SPRY3: variants seen among roughly 807,000 people sequenced by gnomAD.
The protein encoded by SPRY3 is sprouty RTK signaling antagonist 3.
In SPRY3, 15 loss-of-function variants were observed where a neutral mutation model predicts 20.2. The observed-to-expected ratio is 0.74, with a 90% confidence interval of 0.50 to 1.14. The LOEUF (loss-of-function observed/expected upper bound fraction) is 1.14, where lower values mean the gene tolerates loss of function less well. Ranked by LOEUF, SPRY3 falls within the 50% of genes most tolerant of loss-of-function variation. The pLI, the probability that SPRY3 is intolerant of heterozygous loss-of-function variation, is 0.00. For synonymous variants in SPRY3, 143 were observed against 136.5 expected (o/e 1.05, Z -0.33); for missense variants, 364 against 363.9 (o/e 1.00, Z 0.00).
intron 2 of SPRY3, among the ~76,000 whole-genome samples, chrX:155,732,360 T>C (rs1475073957): frequency 2.0e-5 from 3 of 151,976 alleles, no homozygotes; most frequent in Non-Finnish European, 4.4e-5. Context: ...CCTGAACAGA[T>C]GTTTCTGAAA....
At chrX:155,707,312 T>C (rs1445739266) in intron 2 of SPRY3, among the ~76,000 whole-genome samples, 2 of 151,264 alleles carry the variant, frequency 1.3e-5, no homozygotes, top group African/African-American at 4.8e-5. Flanking sequence ...CTTTCTGTTG[T>C]TTATTTCTAA....
At chrX:155,725,911 A>G (rs80316891) in intron 2 of SPRY3, among the ~76,000 whole-genome samples, 1 of 152,148 alleles carries the variant, frequency 6.6e-6, no homozygotes, top group Non-Finnish European at 1.5e-5. Context: ...TTGTGATGTT[A>G]GGATGTCAAT....
At chrX:155,673,537 A>G (rs1303611739) in intron 2 of SPRY3, among the ~76,000 whole-genome samples, 2 of 111,767 alleles carry the variant, frequency 1.8e-5, no homozygotes, top group East Asian at 5.7e-4. Flanking sequence ...GGAATCAGCC[A>G]AGGTTTCTTT....
chrX:155,738,513 T>C (rs2091183605), intron 2 of SPRY3, among the ~76,000 whole-genome samples: 1 of 152,068 alleles, frequency 6.6e-6, no homozygotes, highest in South Asian at 2.1e-4. Flanking sequence ...CACCTTCAAC[T>C]GAGGGATCCA....
chrX:155,756,688 G>A (rs1340306821), intron 2 of SPRY3, among the ~76,000 whole-genome samples: 1 of 152,028 alleles, frequency 6.6e-6, no homozygotes, highest in Non-Finnish European at 1.5e-5. Context: ...TGAGGAGAAA[G>A]TTTTCCTTTT....
At chrX:155,724,600 CTGTT>C (rs1295562617) in intron 2 of SPRY3, among the ~76,000 whole-genome samples, 3 of 152,224 alleles carry the variant, frequency 2.0e-5, no homozygotes, top group Admixed American at 6.5e-5. Flanking sequence ...ATTTGGCTCT[CTGTT>C]TGTCTGTTAT....
chrX:155,761,275 T>C (rs1047493197), intron 2 of SPRY3, among the ~76,000 whole-genome samples: 1 of 152,216 alleles, frequency 6.6e-6, no homozygotes, highest in African/African-American at 2.4e-5. Flanking sequence ...TCTGTGACAA[T>C]GTGTATCCTG....
chrX:155,719,543 T>A (rs1401985119), intron 2 of SPRY3, among the ~76,000 whole-genome samples: 1 of 151,746 alleles, frequency 6.6e-6, no homozygotes, highest in Non-Finnish European at 1.5e-5. Flanking sequence ...GGCTGCACAG[T>A]TGACAGCTCC....
In SPRY3 at chrX:155,722,651, A is replaced by AT. The variant is rs1455689489; in HGVS notation, c.-281-45310dup. Among the ~76,000 whole-genome samples the AT allele has an allele frequency of 2.6e-5, 4 of 152,304 alleles. No homozygotes were observed. The South Asian group carries it at 8.3e-4, about 32-fold the overall frequency. ...AAACAACCAGAAAACAAATAACAAA[A>AT]TGACAGGAGTAAGTCCTTACTTATC... is the stretch of plus-strand genomic sequence containing the variant. On this transcript the variant is annotated intron_variant, in intron 2 of 3. Transcript: ENST00000675360.
At chrX:155,760,730 C>T (rs1402681754) in intron 2 of SPRY3, among the ~76,000 whole-genome samples, 1 of 152,072 alleles carries the variant, frequency 6.6e-6, no homozygotes, top group African/African-American at 2.4e-5. Flanking sequence ...GTGCAGCTCA[C>T]AATAGGGTTC....
chrX:155,638,001 A>G (rs2067929005), intron 1 of SPRY3, among the ~76,000 whole-genome samples: 1 of 102,847 alleles, frequency 9.7e-6, no homozygotes, highest in African/African-American at 3.6e-5. Context: ...TAATTTAGCC[A>G]TTTTCATGGG....
intron 2 of SPRY3, among the ~76,000 whole-genome samples, chrX:155,679,051 G>T (rs754619810): frequency 2.7e-5 from 3 of 110,869 alleles, no homozygotes; most frequent in South Asian, 3.9e-4. Flanking sequence ...CTGTAGGGGC[G>T]TGGGGGGCTG....
intron 2 of SPRY3, among the ~76,000 whole-genome samples, chrX:155,743,902 A>G (rs1443869119): frequency 6.6e-6 from 1 of 152,158 alleles, no homozygotes; most frequent in African/African-American, 2.4e-5. Flanking sequence ...GGACAATTTT[A>G]AATAATTCCA....
intron 2 of SPRY3, among the ~76,000 whole-genome samples, chrX:155,737,010 G>T (rs1234572176): frequency 6.6e-6 from 1 of 151,850 alleles, no homozygotes; most frequent in Non-Finnish European, 1.5e-5. Flanking sequence ...ATGTAATAGT[G>T]TTTTTTTGTT....
chrX:155,774,407 A>T, exon 4 of SPRY3: 1 of 1,614,000 alleles, frequency 6.2e-7, no homozygotes, highest in Non-Finnish European at 8.5e-7. Context: ...TGCTCTGCTG[A>T]GAGCCTCCTC....
rs187215747 is a variant in SPRY3, at chrX:155,758,131, A to C, written c.-281-9831A>C. ...AGACTGTGAGTAATGAGAGGATGAA[A>C]CGATTCATTTATTCGTTCAACCAAT... On this transcript the variant is annotated intron_variant, in intron 2 of 3. Transcript: ENST00000675360. 6.1e-3 allele frequency among the ~76,000 whole-genome samples: 932 copies of C among 152,288 alleles called. 9 individuals carry two copies. Among genetic ancestry groups the C allele is most frequent in the African/African-American group, 0.022 (907 of 41,564 alleles).
At chrX:155,679,802 G>A (rs769015510) in intron 2 of SPRY3, among the ~76,000 whole-genome samples, 2 of 111,414 alleles carry the variant, frequency 1.8e-5, no homozygotes, top group Non-Finnish European at 3.8e-5. Context: ...TATCTGAGTT[G>A]AATGATCGGC....
At chrX:155,740,217 T>C (rs1034534751) in intron 2 of SPRY3, among the ~76,000 whole-genome samples, 1 of 152,194 alleles carries the variant, frequency 6.6e-6, no homozygotes, top group African/African-American at 2.4e-5. Flanking sequence ...AGGACCACTA[T>C]TGTGTTAACT....
chrX:155,626,486 CA>C (rs2067888651), intron 1 of SPRY3, among the ~76,000 whole-genome samples: 1 of 110,879 alleles, frequency 9.0e-6, no homozygotes, highest in Non-Finnish European at 1.9e-5. Flanking sequence ...AATTTTTTCC[CA>C]TCTGTGAGTA....
Sources: gnomAD v4.1 joint callset for allele counts (sites outside exome capture counted in the v4.1 genomes callset) on GRCh38, gnomAD v4.1.1 for gene constraint, MANE v1.5 for transcripts, NCBI Gene and HGNC (gene_info 2026-07-23, HGNC 2026-07-21) for gene names.